SYNE1: variants seen among roughly 807,000 people sequenced by gnomAD.
SYNE1 encodes nesprin-1.
Under a neutral mutation model 1,111.0 loss-of-function variants are expected in SYNE1, and 616 were observed. That is an observed-to-expected ratio of 0.55 (90% confidence interval 0.52 to 0.59). The LOEUF (loss-of-function observed/expected upper bound fraction) is 0.59, where lower values mean the gene tolerates loss of function less well. Ranked by LOEUF, SYNE1 falls within the 20% of genes least tolerant of loss-of-function variation. The pLI, the probability that SYNE1 is intolerant of heterozygous loss-of-function variation, is 0.00. For missense variants in SYNE1, 10,006 were observed against 10,417.0 expected (o/e 0.96, Z 1.72); for synonymous variants, 3,855 against 3,825.8 (o/e 1.01, Z -0.28).
intron 3 of SYNE1, among the ~76,000 whole-genome samples, chr6:152,605,006 A>AAGAAAGAG (rs1565139805): frequency 7.4e-4 from 19 of 25,574 alleles, no homozygotes; most frequent in Non-Finnish European, 1.1e-3. Flanking sequence ...GAAAGAAAGA[A>AAGAAAGAG]AGAGAGAGAG....
intron 3 of SYNE1, among the ~76,000 whole-genome samples, chr6:152,614,471 A>T (rs2099640522): frequency 6.6e-6 from 1 of 152,228 alleles, no homozygotes; most frequent in South Asian, 2.1e-4. Flanking sequence ...ATTATTAAAA[A>T]GTCAGAAAAC....
At chr6:152,515,134 A>C (rs1004802919) in intron 6 of SYNE1, among the ~76,000 whole-genome samples, 1 of 151,866 alleles carries the variant, frequency 6.6e-6, no homozygotes, top group African/African-American at 2.4e-5. Flanking sequence ...AGGCAGGAGA[A>C]TCTCTTGAAC....
chr6:152,373,537 C>T (rs34405703), intron 58 of SYNE1, among the ~76,000 whole-genome samples: 4,895 of 152,210 alleles, frequency 0.032, 108 homozygotes, highest in East Asian at 0.1. Context: ...ACCTTGGCAT[C>T]CCAAAGTGCT....
intron 81 of SYNE1, among the ~76,000 whole-genome samples, chr6:152,324,305 A>C (rs775948095): frequency 1.8e-4 from 28 of 151,948 alleles, no homozygotes; most frequent in Non-Finnish European, 3.7e-4. Context: ...AGGGTGAGGC[A>C]GGAGAATTGC....
At chr6:152,211,652 T>G in intron 123 of SYNE1, 64 bp from the exon 124 acceptor site, 2 of 1,413,724 alleles carry the variant, frequency 1.4e-6, no homozygotes, top group Non-Finnish European at 9.9e-7. Flanking sequence ...GGTTCTCTGA[T>G]AACTTTCCAA....
rs1042685641 is a variant in SYNE1, at chr6:152,152,080, C to T, written c.24191G>A (p.Arg8064His). 8 of 1,614,008 alleles carry T rather than the reference C, an allele frequency of 5.0e-6. No individual in the cohort carries two copies. Among genetic ancestry groups the T allele is most frequent in the South Asian group, 1.1e-5 (1 of 91,084 alleles). The change falls in exon 134 of 146, where the codon CGC (arginine) becomes CAC (histidine). Residue 8064 changes from arginine (R) to histidine (H), a missense_variant. Arg to His is a conservative substitution (Grantham distance 29). Around this residue, in one of 7 missense-constraint regions of SYNE1, gnomAD observed 2,182 missense variants for 2,287.8 expected, o/e 0.95. Coordinates refer to ENST00000367255, the MANE Select transcript of SYNE1 (RefSeq NM_182961.4). Reference protein sequence around the residue: ...TQLELINKQYRRLARENRTDS... With the variant: ...TQLELINKQYHRLARENRTDS... ...AGTGCGGTTCTCCCTGGCCAGGCGG[C>T]GGTACTGCTTGTTGATCAGTTCCAG...
At chr6:152,627,344 GT>G (rs1158931050) in intron 3 of SYNE1, among the ~76,000 whole-genome samples, 1 of 152,148 alleles carries the variant, frequency 6.6e-6, no homozygotes, top group Non-Finnish European at 1.5e-5. Flanking sequence ...TTCCCTGTTA[GT>G]TTTCTTCTAG....
intron 137 of SYNE1, chr6:152,147,821 A>C: frequency 2.1e-5 from 11 of 522,860 alleles, no homozygotes; most frequent in Non-Finnish European, 2.8e-5. Context: ...AGAACCTGGC[A>C]AAGCGCTTGT....
chr6:152,580,129 C>A (rs898613665), intron 3 of SYNE1, among the ~76,000 whole-genome samples: 1 of 152,186 alleles, frequency 6.6e-6, no homozygotes. Flanking sequence ...ACATTCCCAC[C>A]AGCAATGTAT....
chr6:152,604,994 AAGAAAGAAAGAAAGAGAGAG>A (rs1284717697), intron 3 of SYNE1, among the ~76,000 whole-genome samples: 9 of 26,958 alleles, frequency 3.3e-4, no homozygotes, highest in African/African-American at 1.5e-3. Flanking sequence ...GAAAGAAAGA[AAGAAAGAAAGAAAGAGAGAG>A]AGAGAGAGAG....
intron 14 of SYNE1, among the ~76,000 whole-genome samples, chr6:152,480,247 G>A (rs1289258404): frequency 5.3e-5 from 8 of 152,142 alleles, no homozygotes; most frequent in African/African-American, 1.7e-4. Flanking sequence ...TTGGCCAGGC[G>A]TGGTGGCTCA....
At chr6:152,547,062 C>G (rs1452680348) in intron 3 of SYNE1, 1 of 152,262 alleles carries the variant, frequency 6.6e-6, no homozygotes, top group Non-Finnish European at 1.5e-5. Flanking sequence ...CGCCCTGGAC[C>G]TGCCAGTCCA....
chr6:152,374,463 G>C (rs577042401), intron 58 of SYNE1, among the ~76,000 whole-genome samples: 1 of 152,314 alleles, frequency 6.6e-6, no homozygotes, highest in South Asian at 2.1e-4. Flanking sequence ...TCAGAGAAAA[G>C]GCCAAAGGCT....
chr6:152,367,193 G>T, intron 62 of SYNE1, 25 bp downstream of exon 62: 1 of 1,614,116 alleles, frequency 6.2e-7, no homozygotes. Flanking sequence ...GTAGGTTGGA[G>T]ATATTTCTGT....
Position 152,511,128 on chromosome 6 carries a change from T to C in SYNE1, c.310-25A>G, listed in dbSNP as rs192036283. ...TCTGTTTAAAAAAGAGAAACTGTACTAGTAATGTACTAGAATATTATAACT... is the reference window on the plus strand; with the variant it reads ...TCTGTTTAAAAAAGAGAAACTGTACCAGTAATGTACTAGAATATTATAACT... On this transcript the variant is annotated intron_variant, in intron 6 of 145. Transcript: ENST00000367255. The C allele has an allele frequency of 9.7e-5, 152 of 1,566,210 alleles. No individual in the cohort carries two copies. The African/African-American group carries it at 1.9e-3, about 19-fold the overall frequency.
At chr6:152,394,788 CTTT>C (rs11358769) in intron 51 of SYNE1, among the ~76,000 whole-genome samples, 13 of 125,696 alleles carry the variant, frequency 1.0e-4, no homozygotes, top group Non-Finnish European at 6.6e-5. Flanking sequence ...TTTCTTTTTC[CTTT>C]TTTTTTTTTT....
rs553508431 is a variant in SYNE1, at chr6:152,249,250, C to G, written c.19483G>C (p.Val6495Leu). Residue 6495 changes from valine (V) to leucine (L), a missense_variant, in exon 105 of 146, where the codon GTG becomes CTG. By Grantham distance (32) the Val-to-Leu change is conservative. This residue lies in a region of SYNE1 where 2,182 missense variants were observed against 2,287.8 expected (regional missense o/e 0.95). Coordinates refer to ENST00000367255, the MANE Select transcript of SYNE1 (RefSeq NM_182961.4). ...QILNFQNDLKVLFTSLADNKY... is the reference protein window; with the variant it reads ...QILNFQNDLKLLFTSLADNKY... ...TTGTCAGCCAGTGATGTAAACAGCA[C>G]TTTCAGATCATTCTAAGGAGGAAAG... is the stretch of plus-strand genomic sequence containing the variant. 6.2e-7 allele frequency: 1 copy of G among 1,610,640 alleles called. No homozygotes were observed. Among genetic ancestry groups the G allele is most frequent in the South Asian group, 1.1e-5 (1 of 91,018 alleles).
chr6:152,230,448 TAAA>T (rs1260150228), intron 115 of SYNE1, 96 bp downstream of exon 115: 2 of 1,316,988 alleles, frequency 1.5e-6, no homozygotes, highest in East Asian at 4.7e-5. Context: ...TTTAAATATT[TAAA>T]AAAATATTTA....
At position 152,444,403 on chromosome 6, in the gene SYNE1, A is replaced by G. The variant is rs377391406; in HGVS notation, c.3837+8T>C. 82 of 1,613,394 alleles carry G rather than the reference A, an allele frequency of 5.1e-5. No homozygotes were observed. The highest frequency in any genetic ancestry group is 6.7e-5 in the Non-Finnish European group (79 of 1,179,828). On this transcript the variant is annotated splice_region_variant and intron_variant, in intron 30 of 145. Transcript: ENST00000367255. The stretch of plus-strand genomic sequence containing the variant: ...CATAATCTTGTTGGAAGAAAGAGGC[A>G]TTTTTACCTGGTGATGAAGAAGTAA...
Sources: allele counts gnomAD v4.1 joint callset (sites outside exome capture counted in the v4.1 genomes callset), GRCh38; gene constraint gnomAD v4.1.1; regional missense constraint gnomAD v4.1.1; transcripts MANE v1.5; gene names NCBI Gene and HGNC (gene_info 2026-07-23, HGNC 2026-07-21).